NTSR1: variants seen among roughly 807,000 people sequenced by gnomAD.
NTSR1 encodes neurotensin receptor type 1.
NTSR1 carries 29 observed loss-of-function variants against 31.2 expected under a neutral mutation model. That is an observed-to-expected ratio of 0.93 (90% CI 0.69 to 1.27). The LOEUF (loss-of-function observed/expected upper bound fraction) is 1.27, where lower values mean the gene tolerates loss of function less well. Ranked by LOEUF, NTSR1 falls within the 50% of genes most tolerant of loss-of-function variation. The probability of loss-of-function intolerance (pLI) is 0.00; values close to 1 mark genes in which losing one functional copy is unlikely to be tolerated. For synonymous variants in NTSR1, 282 were observed against 269.9 expected, an observed-to-expected ratio of 1.04 and a Z score of -0.44; for missense variants, 697 against 595.4, an observed-to-expected ratio of 1.17 and a Z score of -1.78.
rs41309369 is a variant in NTSR1 at position 62,762,064 on chromosome 20, T to A, written c.*1797T>A. On this transcript the variant is annotated 3_prime_UTR_variant, in exon 4 of 4. Coordinates refer to ENST00000370501, the MANE Select transcript of NTSR1 (RefSeq NM_002531.3). ...ATAGTCTGCTCTGGGCGGAAGAGCT[T>A]TGCTGCCAGCCAGGGATGTCCAGAG... 0.01 allele frequency: 1,563 copies of A among 152,392 alleles called. 16 individuals carry two copies. The highest frequency in any genetic ancestry group is 0.047 in the Middle Eastern group (14 of 298). 9.4% of individuals were successfully genotyped at this position (152,392 alleles called of 1,614,324 possible).
chr20:62,737,104 G>A (rs758748039), intron 1 of NTSR1, among the ~76,000 whole-genome samples: 5 of 152,208 alleles, frequency 3.3e-5, no homozygotes, highest in Admixed American at 6.5e-5. Flanking sequence ...AGAGCAGTGC[G>A]AAAATGGACT....
At chr20:62,724,698 G>A (rs1988876764) in intron 1 of NTSR1, among the ~76,000 whole-genome samples, 1 of 152,206 alleles carries the variant, frequency 6.6e-6, no homozygotes, top group African/African-American at 2.4e-5. Flanking sequence ...TGGGGCTGCA[G>A]AGGCTCAAAA....
chr20:62,710,028 C>A, intron 1 of NTSR1, 107 bp downstream of exon 1: 1 of 995,986 alleles, frequency 1.0e-6, no homozygotes, highest in Non-Finnish European at 1.5e-6. Flanking sequence ...CAGAGACAGT[C>A]TACTCCTGCG....
chr20:62,758,470 T>A lies in NTSR1; in HGVS notation c.1007+114T>A. On this transcript the variant is annotated intron_variant, in intron 3 of 3. Coordinates refer to ENST00000370501, the MANE Select transcript of NTSR1 (RefSeq NM_002531.3). The surrounding 1 kb of genome is among the most constrained non-coding windows in gnomAD (Gnocchi z 4.5). ...CCACTCAGGGCAGGGGTGTGGTGAG[T>A]CCCCCGGCGACCCCCTGGGCAGGGT... 1 of 928,870 alleles carries A rather than the reference T, an allele frequency of 1.1e-6. No homozygotes were observed. The highest frequency in any genetic ancestry group is 1.5e-5 in the South Asian group (1 of 66,354). The allele number at this position is 928,870 out of a possible 1,614,324, so 57.5% of individuals were successfully genotyped here.
rs1989244640 is a variant in NTSR1, at chr20:62,743,750, T to C, written c.715-10935T>C. ...GGGCTGTCTCTTGATCTAAACACAA[T>C]GGGATGAATTAGAGAGAAAGGCAGA... On this transcript the variant is annotated intron_variant, in intron 1 of 3. Transcript: ENST00000370501. The surrounding 1 kb of genome is among the most constrained non-coding windows in gnomAD (Gnocchi z 7.5). 6.6e-6 allele frequency among the ~76,000 whole-genome samples: 1 copy of C among 152,146 alleles called. No homozygotes were observed. The highest frequency in any genetic ancestry group is 1.5e-5 in the Non-Finnish European group (1 of 68,022).
At chr20:62,726,985 C>T (rs186095734) in intron 1 of NTSR1, among the ~76,000 whole-genome samples, 5 of 152,220 alleles carry the variant, frequency 3.3e-5, no homozygotes, top group East Asian at 1.9e-4. Flanking sequence ...TGTGGACAAC[C>T]GTGGCCTTGG....
intron 1 of NTSR1, among the ~76,000 whole-genome samples, chr20:62,716,115 C>T (rs1988712175): frequency 6.6e-6 from 1 of 152,232 alleles, no homozygotes; most frequent in Admixed American, 6.5e-5. Flanking sequence ...AGCACGTTCA[C>T]ATTGCTGTGC....
intron 1 of NTSR1, among the ~76,000 whole-genome samples, chr20:62,719,656 G>GA (rs397713950): frequency 1.3e-5 from 2 of 151,906 alleles, no homozygotes; most frequent in East Asian, 1.9e-4. Flanking sequence ...CACTCCGGGG[G>GA]CCAAATATAA....
chr20:62,759,640 G>T (rs185103903), intron 3 of NTSR1, among the ~76,000 whole-genome samples: 8 of 151,904 alleles, frequency 5.3e-5, no homozygotes, highest in African/African-American at 1.7e-4. Context: ...CGGGCGTGGT[G>T]GGGGGGTCCC....
chr20:62,735,264 C>T (rs1368535009), intron 1 of NTSR1: 1 of 152,292 alleles, frequency 6.6e-6, no homozygotes, highest in African/African-American at 2.4e-5. Context: ...CAGTGCCTGG[C>T]ACCAGGAGGA....
In NTSR1 at chr20:62,761,369, G is replaced by A. The variant is rs1989619378; in HGVS notation, c.*1102G>A. 6.6e-6 allele frequency: 1 copy of A among 152,230 alleles called. No homozygotes were observed. Among genetic ancestry groups the A allele is most frequent in the African/African-American group, 2.4e-5 (1 of 41,438 alleles). 9.4% of individuals were successfully genotyped at this position (152,230 alleles called of 1,614,324 possible). ...CGCTGGCCGGCAGCCCTGGGCTGAG[G>A]CACAGACTCATTTGTCACCTTCTGG... On this transcript the variant is annotated 3_prime_UTR_variant, in exon 4 of 4. Transcript: ENST00000370501.
intron 1 of NTSR1, among the ~76,000 whole-genome samples, chr20:62,727,137 GC>G (rs1988921275): frequency 6.6e-6 from 1 of 152,160 alleles, no homozygotes; most frequent in Admixed American, 6.5e-5. Context: ...GAAGCGGGTT[GC>G]CTGCATAAGC....
chr20:62,711,284 G>A lies in NTSR1; in HGVS notation c.714+1363G>A, dbSNP rs897359277. On this transcript the variant is annotated intron_variant, in intron 1 of 3. Transcript: ENST00000370501. This position sits in a 1 kb window ranked among gnomAD's most constrained non-coding sequence, Gnocchi z 6.4. ...TGAGTCAGGGCTGCTTTGCTTCTGC[G>A]GCGAGAGTCCCTCCCCTCACCAGAG... Among the ~76,000 whole-genome samples, 10 of 152,172 alleles carry A rather than the reference G, an allele frequency of 6.6e-5. No homozygotes were observed. The highest frequency in any genetic ancestry group is 9.7e-5 in the African/African-American group (4 of 41,434).
chr20:62,727,654 C>T (rs988569715), intron 1 of NTSR1, among the ~76,000 whole-genome samples: 3 of 152,190 alleles, frequency 2.0e-5, no homozygotes, highest in African/African-American at 7.2e-5. Context: ...GGAGGGGAGG[C>T]GGGAGTGCCT....
rs1988601438 is a variant in NTSR1 at position 62,711,031 on chromosome 20, CG to C, written c.714+1111del. ...CTTCTGTAGTTGCCTGGGCACCCCG[CG>C]TATGCCAGTATGCCCGGTGGGGGTG... On this transcript the variant is annotated intron_variant, in intron 1 of 3. Transcript: ENST00000370501. This position sits in a 1 kb window ranked among gnomAD's most constrained non-coding sequence, Gnocchi z 6.4. Among the ~76,000 whole-genome samples, 1 of 152,198 alleles carries C rather than the reference CG, an allele frequency of 6.6e-6. No individual in the cohort carries two copies. Among genetic ancestry groups the C allele is most frequent in the Non-Finnish European group, 1.5e-5 (1 of 68,034 alleles).
At chr20:62,759,946 C>CA (rs1989584940) in intron 3 of NTSR1, 72 bp from the exon 4 acceptor site, 4 of 1,519,994 alleles carry the variant, frequency 2.6e-6, no homozygotes, top group Non-Finnish European at 3.6e-6. Flanking sequence ...GCCGCTGTGG[C>CA]CCCGGCTGTC....
intron 3 of NTSR1, 62 bp from the exon 4 acceptor site, chr20:62,759,956 C>T: frequency 6.4e-7 from 1 of 1,570,390 alleles, no homozygotes; most frequent in Non-Finnish European, 8.7e-7. Context: ...CCCCGGCTGT[C>T]ACCCTGCCTT....
At chr20:62,747,299 C>T (rs531746963) in intron 1 of NTSR1, among the ~76,000 whole-genome samples, 3 of 147,634 alleles carry the variant, frequency 2.0e-5, no homozygotes, top group African/African-American at 5.0e-5. Flanking sequence ...GTAAAGGCCA[C>T]GTATGACAGA....
intron 2 of NTSR1, among the ~76,000 whole-genome samples, chr20:62,755,358 T>TCC (rs1989473858): frequency 2.8e-5 from 1 of 36,246 alleles, no homozygotes. Context: ...CCTCTCTCCC[T>TCC]TCCTCCCTTC....
Sources: gnomAD v4.1 joint callset for allele counts (sites outside exome capture counted in the v4.1 genomes callset) on GRCh38, gnomAD v4.1.1 for gene constraint, Gnocchi (gnomAD v3.1) non-coding constraint, MANE v1.5 for transcripts, NCBI Gene and HGNC (gene_info 2026-07-23, HGNC 2026-07-21) for gene names.